SUZ12: variants seen among roughly 807,000 people sequenced by gnomAD.
The protein encoded by SUZ12 is SUZ12 polycomb repressive complex 2 subunit.
A neutral mutation model predicts 87.3 loss-of-function variants in SUZ12; 17 were observed. That is an observed-to-expected ratio of 0.19 (90% CI 0.13 to 0.29). The LOEUF (loss-of-function observed/expected upper bound fraction) is 0.29, where lower values mean the gene tolerates loss of function less well. Ranked by LOEUF, SUZ12 falls within the 10% of genes least tolerant of loss-of-function variation. The pLI is 1.00. For missense variants in SUZ12, 526 were observed against 912.2 expected (o/e 0.58, Z 5.45); for synonymous variants, 253 against 312.4 (o/e 0.81, Z 2.01).
chr17:31,960,910 A>G (rs1460890501), intron 4 of SUZ12, among the ~76,000 whole-genome samples: 1 of 152,102 alleles, frequency 6.6e-6, no homozygotes, highest in East Asian at 1.9e-4. Context: ...GTTAATTGAA[A>G]TTTAGAATTC....
In SUZ12 at chr17:31,937,209, C is replaced by G. The variant is rs918104141; in HGVS notation, c.-38C>G. On this transcript the variant is annotated 5_prime_UTR_variant, in exon 1 of 16. Coordinates refer to ENST00000322652, the MANE Select transcript of SUZ12 (RefSeq NM_015355.4). The stretch of plus-strand genomic sequence containing the variant: ...CAGGCGCTTGCTCTCCGGGGCCGCC[C>G]GGCGGGTAGCTGGCGGGGGGAGGAG... 7 of 1,395,512 alleles carry G rather than the reference C, an allele frequency of 5.0e-6. No homozygotes were observed. Among genetic ancestry groups the G allele is most frequent in the Non-Finnish European group, 6.4e-6 (7 of 1,085,388 alleles). The allele number at this position is 1,395,512 out of a possible 1,614,324, so 86.4% of individuals were successfully genotyped here. A position where few individuals can be genotyped will look rare whatever the true frequency, so the allele number is the denominator to read the frequency against.
At chr17:31,957,895 CTTT>C (rs1181314058) in intron 4 of SUZ12, among the ~76,000 whole-genome samples, 11 of 91,328 alleles carry the variant, frequency 1.2e-4, no homozygotes, top group African/African-American at 2.9e-4. Flanking sequence ...ACCTTTTGTC[CTTT>C]TTTTTTTTTT....
Position 31,937,186 on chromosome 17 carries a change from G to A in SUZ12, c.-61G>A, listed in dbSNP as rs959652474. On this transcript the variant is annotated 5_prime_UTR_variant, in exon 1 of 16. Transcript: ENST00000322652. ...GCTGGGGCGAGCGGTTGGTATTGCAGGCGCTTGCTCTCCGGGGCCGCCCGG... is the reference window on the plus strand; with the variant it reads ...GCTGGGGCGAGCGGTTGGTATTGCAAGCGCTTGCTCTCCGGGGCCGCCCGG... 1.8e-4 allele frequency: 241 copies of A among 1,366,196 alleles called. No individual in the cohort carries two copies. Among genetic ancestry groups the A allele is most frequent in the Non-Finnish European group, 2.2e-4 (229 of 1,064,486 alleles). 84.6% of individuals were successfully genotyped at this position (1,366,196 alleles called of 1,614,324 possible). A position where few individuals can be genotyped will look rare whatever the true frequency, so the allele number is the denominator to read the frequency against.
intron 4 of SUZ12, among the ~76,000 whole-genome samples, chr17:31,963,106 A>C (rs1262602081): frequency 6.6e-6 from 1 of 152,244 alleles, no homozygotes; most frequent in Non-Finnish European, 1.5e-5. Context: ...TGAATTGCTT[A>C]TACAGAATAG....
At chr17:31,988,214 A>T in intron 9 of SUZ12, 106 bp from the exon 10 acceptor site, 1 of 1,135,504 alleles carries the variant, frequency 8.8e-7, no homozygotes, top group Non-Finnish European at 1.2e-6. Context: ...AGACAAATCT[A>T]TTAAGGCAAA....
intron 10 of SUZ12, among the ~76,000 whole-genome samples, chr17:31,991,747 G>C (rs1451309535): frequency 6.6e-6 from 1 of 151,918 alleles, no homozygotes; most frequent in Non-Finnish European, 1.5e-5. Flanking sequence ...TGGGACTACA[G>C]GTGTGTGCCA....
chr17:31,999,698 C>T lies in SUZ12; in HGVS notation c.*695C>T, dbSNP rs1910163454. 1 of 230,530 alleles carries T rather than the reference C, an allele frequency of 4.3e-6. No individual in the cohort carries two copies. Among genetic ancestry groups the T allele is most frequent in the South Asian group, 1.8e-4 (1 of 5,492 alleles). The allele number at this position is 230,530 out of a possible 1,614,324, so 14.3% of individuals were successfully genotyped here. A position where few individuals can be genotyped will look rare whatever the true frequency, so the allele number is the denominator to read the frequency against. On this transcript the variant is annotated 3_prime_UTR_variant, in exon 16 of 16. Transcript: ENST00000322652. ...TATGTTGGTTTATAAGATTACAGAC[C>T]ATTTGTTTTCATGTGGATAATTTTA...
At chr17:31,977,672 C>T (rs557637293) in intron 8 of SUZ12, among the ~76,000 whole-genome samples, 191 of 152,188 alleles carry the variant, frequency 1.3e-3, no homozygotes, top group Non-Finnish European at 2.4e-3. Context: ...GGGTGGATCA[C>T]GAGGTCAGGA....
chr17:31,967,213 A>AT (rs1908150400), intron 5 of SUZ12: 1 of 151,240 alleles, frequency 6.6e-6, no homozygotes, highest in African/African-American at 2.4e-5. Context: ...AAAAAAAAAA[A>AT]GGGAAAATCA....
At chr17:31,942,493 G>A (rs776527135) in intron 3 of SUZ12, among the ~76,000 whole-genome samples, 8 of 151,884 alleles carry the variant, frequency 5.3e-5, no homozygotes, top group African/African-American at 9.7e-5. Flanking sequence ...CCACCACCAC[G>A]CCTGGCTAAT....
intron 7 of SUZ12, 80 bp from the exon 8 acceptor site, chr17:31,976,441 T>A (rs1409047405): frequency 9.0e-7 from 1 of 1,116,822 alleles, no homozygotes; most frequent in East Asian, 2.6e-5. Context: ...AAATGTAGCA[T>A]GTTTTATGTT....
intron 10 of SUZ12, among the ~76,000 whole-genome samples, chr17:31,992,803 G>C (rs1024171864): frequency 1.3e-5 from 2 of 150,976 alleles, no homozygotes; most frequent in Admixed American, 1.3e-4. Context: ...CGCCTCCCGG[G>C]TTCAAGCAAT....
intron 7 of SUZ12, 45 bp downstream of exon 7, chr17:31,975,758 G>T: frequency 4.8e-6 from 7 of 1,453,488 alleles, no homozygotes; most frequent in Non-Finnish European, 6.6e-6. Context: ...GACTAAGATG[G>T]TCATTGAAAA....
At chr17:31,994,082 A>G in intron 12 of SUZ12, 74 bp downstream of exon 12, 1 of 1,406,698 alleles carries the variant, frequency 7.1e-7, no homozygotes, top group Non-Finnish European at 9.5e-7. Context: ...ACATCTATGT[A>G]CCCACAAAAA....
At chr17:31,966,384 A>G in intron 5 of SUZ12, 188 bp downstream of exon 5, 1 of 573,960 alleles carries the variant, frequency 1.7e-6, no homozygotes. Flanking sequence ...ATGGGGGTGC[A>G]GAGTGAAGGC....
At chr17:31,973,322 G>C (rs1411221571) in intron 6 of SUZ12, 91 bp downstream of exon 6, 1 of 1,258,986 alleles carries the variant, frequency 7.9e-7, no homozygotes, top group Non-Finnish European at 1.1e-6. Flanking sequence ...TTAAAGCTTA[G>C]TTTTAAATTT....
chr17:31,940,913 G>A (rs1185866382), intron 3 of SUZ12, among the ~76,000 whole-genome samples: 1 of 151,760 alleles, frequency 6.6e-6, no homozygotes, highest in Admixed American at 6.6e-5. Flanking sequence ...GCGAGGCTGA[G>A]GCAGGAGAAT....
chr17:31,992,858 C>G (rs1246902199), intron 10 of SUZ12, among the ~76,000 whole-genome samples: 2 of 152,146 alleles, frequency 1.3e-5, no homozygotes, highest in Non-Finnish European at 2.9e-5. Flanking sequence ...GTGCCCGCCA[C>G]CACGCCCTGC....
chr17:31,970,320 T>A (rs1210997987), intron 5 of SUZ12, among the ~76,000 whole-genome samples: 1 of 152,136 alleles, frequency 6.6e-6, no homozygotes, highest in Non-Finnish European at 1.5e-5. Context: ...AATAAGAATG[T>A]TTTTAAGTAG....
Sources: gnomAD v4.1 joint callset for allele counts (sites outside exome capture counted in the v4.1 genomes callset) on GRCh38, gnomAD v4.1.1 for gene constraint, MANE v1.5 for transcripts, NCBI Gene and HGNC (gene_info 2026-07-23, HGNC 2026-07-21) for gene names.